The following ADAM10 variants were observed in gnomAD, a reference collection of about 807,000 sequenced individuals.
ADAM10 encodes the protein ADAM metallopeptidase domain 10.
A neutral mutation model predicts 90.1 loss-of-function variants in ADAM10; 17 were observed. The observed-to-expected ratio is 0.19, with a 90% CI of 0.13 to 0.28. The LOEUF is 0.28. Ranked by LOEUF, ADAM10 falls within the 10% of genes least tolerant of loss-of-function variation. The pLI is 1.00. For missense variants in ADAM10, 610 were observed against 914.3 expected, an observed-to-expected ratio of 0.67 and a Z score of 4.29; for synonymous variants, 310 against 298.6, an observed-to-expected ratio of 1.04 and a Z score of -0.40.
intron 2 of ADAM10, among the ~76,000 whole-genome samples, chr15:58,690,636 A>G (rs961346605): frequency 3.9e-5 from 6 of 152,160 alleles, no homozygotes; most frequent in African/African-American, 9.7e-5. Flanking sequence ...AAAATACTAG[A>G]TATCAGCAGA....
At chr15:58,712,190 T>C (rs368105502) in intron 2 of ADAM10, among the ~76,000 whole-genome samples, 4 of 152,268 alleles carry the variant, frequency 2.6e-5, no homozygotes, top group South Asian at 2.1e-4. Context: ...TAAACAATAT[T>C]AACCTGCATT....
At chr15:58,697,595 T>C (rs1012587005) in intron 2 of ADAM10, among the ~76,000 whole-genome samples, 3 of 152,226 alleles carry the variant, frequency 2.0e-5, no homozygotes, top group East Asian at 3.9e-4. Context: ...GCCCAGCCCA[T>C]TGCAGCCACT....
chr15:58,669,503 C>A (rs1283888906), intron 4 of ADAM10, among the ~76,000 whole-genome samples: 1 of 152,154 alleles, frequency 6.6e-6, no homozygotes, highest in Non-Finnish European at 1.5e-5. Flanking sequence ...AGAGAATGTA[C>A]ATGCTGTATA....
At chr15:58,644,281 G>A (rs978484400) in intron 6 of ADAM10, among the ~76,000 whole-genome samples, 7 of 149,850 alleles carry the variant, frequency 4.7e-5, no homozygotes, top group Non-Finnish European at 7.4e-5. Flanking sequence ...CCACGCTGGA[G>A]TGCAGTGTTG....
chr15:58,632,111 AAATGTTAT>A lies in ADAM10; in HGVS notation c.1176+1077_1176+1084del, dbSNP rs576674833. 3.3e-3 allele frequency among the ~76,000 whole-genome samples: 503 copies of A among 152,352 alleles called. 4 individuals are homozygous for A. Among genetic ancestry groups the A allele is most frequent in the African/African-American group, 0.012 (482 of 41,582 alleles). ...TACAGTTTTCAAGTGTACATTTTCA[AAATGTTAT>A]CTTTAATAAGCTCTACCAAAATCAC... On this transcript the variant is annotated intron_variant, in intron 9 of 15. Transcript: ENST00000260408.
intron 1 of ADAM10, among the ~76,000 whole-genome samples, chr15:58,745,340 A>G (rs555779433): frequency 6.6e-6 from 1 of 152,200 alleles, no homozygotes; most frequent in Non-Finnish European, 1.5e-5. Context: ...TTATGTTTGT[A>G]TCCTATTCTT....
intron 2 of ADAM10, among the ~76,000 whole-genome samples, chr15:58,688,768 A>G (rs1347547432): frequency 4.2e-5 from 5 of 118,608 alleles, no homozygotes; most frequent in African/African-American, 2.1e-4. Context: ...AAAAAAAATT[A>G]TATATATATA....
At chr15:58,734,174 T>G (rs2140841091) in intron 1 of ADAM10, among the ~76,000 whole-genome samples, 1 of 152,342 alleles carries the variant, frequency 6.6e-6, no homozygotes, top group Non-Finnish European at 1.5e-5. Flanking sequence ...CATCAATTTC[T>G]TGTTTAACTA....
intron 5 of ADAM10, among the ~76,000 whole-genome samples, chr15:58,648,005 T>C (rs1459545792): frequency 1.3e-5 from 2 of 152,188 alleles, no homozygotes; most frequent in African/African-American, 2.4e-5. Flanking sequence ...TCCTTGACAT[T>C]TCCTTCTCCC....
chr15:58,605,664 A>C (rs1252415275), intron 14 of ADAM10, among the ~76,000 whole-genome samples: 4 of 152,194 alleles, frequency 2.6e-5, no homozygotes, highest in African/African-American at 9.6e-5. Context: ...ACTGAGTGCC[A>C]GGGTCTTATA....
rs1209756716 is a variant in ADAM10, at chr15:58,591,258, T to C, written c.*6289A>G. On this transcript the variant is annotated 3_prime_UTR_variant, in exon 16 of 16. Coordinates refer to ENST00000260408, the MANE Select transcript of ADAM10 (RefSeq NM_001110.4). ...CTAGCAGTTGAAATCAATTAATTAT[T>C]CATTGTAACTGGAGCAGAATATAAT... is the stretch of plus-strand genomic sequence containing the variant. 1.3e-5 allele frequency: 2 copies of C among 152,190 alleles called. No individual in the cohort carries two copies. The highest frequency in any genetic ancestry group is 4.8e-5 in the African/African-American group (2 of 41,448). 9.4% of individuals were successfully genotyped at this position (152,190 alleles called of 1,614,324 possible).
At chr15:58,681,550 T>A (rs1897442665) in intron 3 of ADAM10, among the ~76,000 whole-genome samples, 1 of 152,218 alleles carries the variant, frequency 6.6e-6, no homozygotes. Flanking sequence ...TATAAAACAA[T>A]GACATTTTGC....
chr15:58,654,717 T>C (rs1255601982), intron 5 of ADAM10, among the ~76,000 whole-genome samples: 2 of 152,170 alleles, frequency 1.3e-5, no homozygotes, highest in African/African-American at 4.8e-5. Flanking sequence ...TTCAAGAAAT[T>C]TTCCAATTTT....
chr15:58,744,293 T>C (rs1022363315), intron 1 of ADAM10, among the ~76,000 whole-genome samples: 6 of 152,226 alleles, frequency 3.9e-5, no homozygotes, highest in African/African-American at 1.2e-4. Flanking sequence ...CTAAAGCCCA[T>C]GTACTTCATT....
rs752797559 is a variant in ADAM10, at chr15:58,691,545, A to C, written c.207-9231T>G. 24 of 539,716 alleles carry C rather than the reference A, an allele frequency of 4.4e-5. 1 individual carries two copies. The highest frequency in any genetic ancestry group is 3.3e-4 in the South Asian group (22 of 67,270). The allele number at this position is 539,716 out of a possible 1,614,324, so 33.4% of individuals were successfully genotyped here. On this transcript the variant is annotated intron_variant, in intron 2 of 15. Transcript: ENST00000260408. Reference sequence around the variant, plus strand: ...GGTGTGAGACCACAGCAGTTCAGACAGGTGTCGCCAGTTAATAGAGTCCTC... The same window carrying C: ...GGTGTGAGACCACAGCAGTTCAGACCGGTGTCGCCAGTTAATAGAGTCCTC...
intron 2 of ADAM10, among the ~76,000 whole-genome samples, chr15:58,690,116 C>A (rs1215174043): frequency 6.6e-6 from 1 of 152,148 alleles, no homozygotes; most frequent in Non-Finnish European, 1.5e-5. Flanking sequence ...ATGTAATTCA[C>A]CGCATTCAAA....
chr15:58,737,965 CTATA>C (rs1899484503), intron 1 of ADAM10, among the ~76,000 whole-genome samples: 1 of 152,038 alleles, frequency 6.6e-6, no homozygotes, highest in Admixed American at 6.6e-5. Context: ...AAAAAGTTGG[CTATA>C]CAATCTTAAG....
intron 8 of ADAM10, 123 bp downstream of exon 8, chr15:58,640,654 G>A (rs1258069037): frequency 1.1e-5 from 10 of 937,742 alleles, no homozygotes; most frequent in Non-Finnish European, 1.5e-5. Context: ...CCTAACTCAA[G>A]TAGCATAAAT....
At chr15:58,715,725 T>G (rs1417326586) in intron 2 of ADAM10, among the ~76,000 whole-genome samples, 1 of 152,160 alleles carries the variant, frequency 6.6e-6, no homozygotes, top group East Asian at 1.9e-4. Flanking sequence ...TCATGCAAAC[T>G]CTCTCGCTTT....
Sources: gnomAD v4.1 joint callset for allele counts (sites outside exome capture counted in the v4.1 genomes callset) on GRCh38, gnomAD v4.1.1 for gene constraint, MANE v1.5 for transcripts, NCBI Gene and HGNC (gene_info 2026-07-23, HGNC 2026-07-21) for gene names.